The following GOLGA4 variants were observed in gnomAD, a reference collection of about 807,000 sequenced individuals.
GOLGA4 encodes the protein golgin subfamily A member 4.
In GOLGA4, 169 loss-of-function variants were observed where a neutral mutation model predicts 265.9. The ratio of observed to expected loss-of-function variants is 0.64; its 90% CI spans 0.56 to 0.72. The LOEUF (loss-of-function observed/expected upper bound fraction) is 0.72, where lower values mean the gene tolerates loss of function less well. Ranked by LOEUF, GOLGA4 falls within the 30% of genes least tolerant of loss-of-function variation. GOLGA4 has a pLI of 0.00. For missense variants in GOLGA4, 2,482 were observed against 2,483.4 expected, an observed-to-expected ratio of 1.00 and a Z score of 0.01; for synonymous variants, 923 against 855.8, an observed-to-expected ratio of 1.08 and a Z score of -1.37.
chr3:37,333,925 A>G (rs2097000292), intron 16 of GOLGA4, among the ~76,000 whole-genome samples: 1 of 152,196 alleles, frequency 6.6e-6, no homozygotes, highest in Admixed American at 6.5e-5. Context: ...CTATGTTTGC[A>G]TTTGTTTTTG....
At position 37,295,079 on chromosome 3, in the gene GOLGA4, T is replaced by C; in HGVS notation, c.681+2T>C. 1 of 1,471,542 alleles carries C rather than the reference T, an allele frequency of 6.8e-7. No homozygotes were observed. The highest frequency in any genetic ancestry group is 9.3e-7 in the Non-Finnish European group (1 of 1,080,660). 91.2% of individuals were successfully genotyped at this position (1,471,542 alleles called of 1,614,324 possible). A position where few individuals can be genotyped will look rare whatever the true frequency, so the allele number is the denominator to read the frequency against. Reference sequence around the variant, plus strand: ...TATATCAGTGTTCTCCAAACTCAGGTAAAAGAGTAAAAGAAAAAGTGTGGA... The same window carrying C: ...TATATCAGTGTTCTCCAAACTCAGGCAAAAGAGTAAAAGAAAAAGTGTGGA... On this transcript the variant is annotated splice_donor_variant, in intron 6 of 23. Transcript: ENST00000361924. LOFTEE classifies it high-confidence loss of function.
intron 10 of GOLGA4, among the ~76,000 whole-genome samples, chr3:37,311,330 G>A (rs1446395400): frequency 6.6e-6 from 1 of 152,130 alleles, no homozygotes; most frequent in Non-Finnish European, 1.5e-5. Context: ...TTTCCTTAAA[G>A]CACGATGGGG....
At chr3:37,362,314 G>A (rs1490069041) in intron 23 of GOLGA4, among the ~76,000 whole-genome samples, 2 of 146,702 alleles carry the variant, frequency 1.4e-5, no homozygotes, top group Non-Finnish European at 3.0e-5. Context: ...TCGGCTCACT[G>A]CAAGCTCCGC....
chr3:37,301,972 A>G lies in GOLGA4; in HGVS notation c.1087-213A>G, dbSNP rs374534960. Among the ~76,000 whole-genome samples, 258 of 152,232 alleles carry G rather than the reference A, an allele frequency of 1.7e-3. 4 individuals carry two copies. Among genetic ancestry groups the G allele is most frequent in the African/African-American group, 5.7e-3 (235 of 41,534 alleles). ...CCTGGCTAATTTTTGTATTTTTAGT[A>G]GAGACAGGGTTTCGCCATGTTGGCC... On this transcript the variant is annotated intron_variant, in intron 9 of 23. Coordinates refer to ENST00000361924, the MANE Select transcript of GOLGA4 (RefSeq NM_002078.5).
At chr3:37,268,650 C>T (rs1264112499) in intron 2 of GOLGA4, among the ~76,000 whole-genome samples, 5 of 151,926 alleles carry the variant, frequency 3.3e-5, no homozygotes, top group South Asian at 4.1e-4. Flanking sequence ...CGGCTCACTG[C>T]GACCTCTACC....
intron 1 of GOLGA4, among the ~76,000 whole-genome samples, chr3:37,248,112 A>G (rs1280602530): frequency 2.0e-5 from 3 of 152,152 alleles, no homozygotes; most frequent in African/African-American, 2.4e-5. Flanking sequence ...GTCATCTTAC[A>G]GTTTTGCTTA....
chr3:37,315,178 T>C (rs1490205180), intron 10 of GOLGA4, among the ~76,000 whole-genome samples: 1 of 152,218 alleles, frequency 6.6e-6, no homozygotes, highest in African/African-American at 2.4e-5. Context: ...ACTTCTAAGC[T>C]TAGGCTCATA....
At position 37,282,010 on chromosome 3, in the gene GOLGA4, T is replaced by C. The variant is rs1280295517; in HGVS notation, c.215T>C (p.Val72Ala). The C allele has an allele frequency of 1.2e-6, 2 of 1,614,134 alleles. No homozygotes were observed. Among genetic ancestry groups the C allele is most frequent in the Admixed American group, 1.7e-5 (1 of 60,030 alleles). Reference protein sequence around the residue: ...AQKLQLRVPSVESLFRSPIKE... With the variant: ...AQKLQLRVPSAESLFRSPIKE... ...AAGCTCCAGCTCCGGGTGCCCTCCG[T>C]GGAGTCTTTGTTTCGAAGTCCGATA... Residue 72 changes from valine (V) to alanine (A), a missense_variant, in exon 3 of 24, where the codon GTG (valine) becomes GCG (alanine). Transcript: ENST00000361924.
chr3:37,295,055 A>G lies in GOLGA4; in HGVS notation c.659A>G (p.Tyr220Cys), dbSNP rs747515002. Residue 220 changes from tyrosine (Y) to cysteine (C), a missense_variant, in exon 6 of 24, where the codon TAT (tyrosine) becomes TGT (cysteine). Transcript: ENST00000361924. The part of the protein sequence containing the change: ...FDASLEEKDQ[Y>C]ISVLQTQVSL... ...GCATCTTTAGAGGAGAAAGATCAGT[A>G]TATCAGTGTTCTCCAAACTCAGGTA... is the stretch of plus-strand genomic sequence containing the variant. The G allele has an allele frequency of 2.5e-6, 4 of 1,589,382 alleles. No individual in the cohort carries two copies. The highest frequency in any genetic ancestry group is 2.6e-6 in the Non-Finnish European group (3 of 1,164,208).
In GOLGA4 at chr3:37,323,863, CAA is replaced by C. The variant is rs773646479; in HGVS notation, c.1979_1980del (p.Lys660ArgfsTer13). ...AAGAAAAAGAAACATTGTTGAAAGA[CAA>C]AGAGATTATCTTCCAGGCCCACATA... ...EQEKETLLKD[K>X]EIIFQAHIEE... On this transcript the variant is annotated frameshift_variant, in exon 14 of 24. Transcript: ENST00000361924. LOFTEE classifies it high-confidence loss of function. 7 of 1,611,722 alleles carry C rather than the reference CAA, an allele frequency of 4.3e-6. No individual in the cohort carries two copies.
intron 2 of GOLGA4, among the ~76,000 whole-genome samples, chr3:37,266,234 C>T (rs1017552975): frequency 4.6e-5 from 7 of 151,746 alleles, no homozygotes; most frequent in Admixed American, 3.9e-4. Flanking sequence ...TGGTCTCACT[C>T]TGTCACCCAG....
Position 37,243,628 on chromosome 3 carries a change from A to G in GOLGA4, c.72+6A>G. ...AGGCGCTGGCTCCTGCTCAGGTACG[A>G]TGGCCGCCGCTCTCCTCCCCTGGTT... On this transcript the variant is annotated splice_donor_region_variant and intron_variant, in intron 1 of 23. Transcript: ENST00000361924. The G allele has an allele frequency of 6.2e-7, 1 of 1,608,550 alleles. No individual in the cohort carries two copies. The highest frequency in any genetic ancestry group is 1.1e-5 in the South Asian group (1 of 90,978).
chr3:37,286,134 C>CTTTTTTTTTTTTTTTTTTTTTT (rs1559383108), intron 4 of GOLGA4, 73 bp downstream of exon 4: 4 of 145,648 alleles, frequency 2.7e-5, no homozygotes, highest in African/African-American at 4.1e-5. Flanking sequence ...TAAGATATTT[C>CTTTTTTTTTTTTTTTTTTTTTT]TTTCTTTTTT....
At chr3:37,270,526 T>C (rs1331419099) in intron 2 of GOLGA4, among the ~76,000 whole-genome samples, 3 of 152,144 alleles carry the variant, frequency 2.0e-5, no homozygotes, top group Non-Finnish European at 2.9e-5. Context: ...CCAGTGTAGC[T>C]TTTTTGTATG....
At chr3:37,347,820 A>C (rs891635232) in intron 21 of GOLGA4, among the ~76,000 whole-genome samples, 24 of 152,152 alleles carry the variant, frequency 1.6e-4, no homozygotes, top group African/African-American at 4.8e-4. Flanking sequence ...AGAATGTTGC[A>C]TTTATTGTAA....
intron 10 of GOLGA4, among the ~76,000 whole-genome samples, chr3:37,310,012 G>T (rs1018535565): frequency 6.6e-6 from 1 of 152,150 alleles, no homozygotes; most frequent in Non-Finnish European, 1.5e-5. Context: ...CATTCATTTT[G>T]TAGTGCATTT....
At chr3:37,292,380 T>C (rs181200465) in intron 5 of GOLGA4, among the ~76,000 whole-genome samples, 2 of 152,266 alleles carry the variant, frequency 1.3e-5, no homozygotes, top group East Asian at 3.9e-4. Context: ...TTATTGCCAT[T>C]ATTTCATTAA....
At chr3:37,284,431 T>C (rs920346435) in intron 3 of GOLGA4, among the ~76,000 whole-genome samples, 3 of 152,080 alleles carry the variant, frequency 2.0e-5, no homozygotes, top group African/African-American at 7.2e-5. Flanking sequence ...TGTTTGCGTT[T>C]TTAGTAGAGA....
At chr3:37,340,075 T>TA (rs2097028098) in intron 19 of GOLGA4, 49 bp from the exon 20 acceptor site, 3 of 780,736 alleles carry the variant, frequency 3.8e-6, no homozygotes, top group Non-Finnish European at 6.6e-6. Flanking sequence ...TTTTCTTACA[T>TA]ACAGTTTCCC....
Sources: gnomAD v4.1 joint callset for allele counts (sites outside exome capture counted in the v4.1 genomes callset) on GRCh38, gnomAD v4.1.1 for gene constraint, MANE v1.5 for transcripts, NCBI Gene and HGNC (gene_info 2026-07-23, HGNC 2026-07-21) for gene names.